RANBP9: variants seen among roughly 807,000 people sequenced by gnomAD.
The protein encoded by RANBP9 is RAN binding protein 9, also known as ran-binding protein 9.
RANBP9 carries 15 observed loss-of-function variants against 84.3 expected under a neutral mutation model. The ratio of observed to expected loss-of-function variants is 0.18; its 90% confidence interval spans 0.12 to 0.27. RANBP9 has a LOEUF of 0.27. RANBP9 is among the 10% of genes least tolerant of loss of function. The pLI is 1.00. For synonymous variants in RANBP9, 392 were observed against 349.6 expected (o/e 1.12, Z -1.35); for missense variants, 809 against 912.8 (o/e 0.89, Z 1.46).
chr6:13,648,424 C>A (rs1343795255), intron 5 of RANBP9, among the ~76,000 whole-genome samples: 1 of 152,108 alleles, frequency 6.6e-6, no homozygotes, highest in Non-Finnish European at 1.5e-5. Flanking sequence ...AGGCGTGAGC[C>A]ACCGCACCCA....
At chr6:13,672,521 C>T (rs574051822) in intron 2 of RANBP9, among the ~76,000 whole-genome samples, 1 of 151,948 alleles carries the variant, frequency 6.6e-6, no homozygotes, top group East Asian at 1.9e-4. Flanking sequence ...ATATAAATAC[C>T]TAGTGAACAT....
intron 2 of RANBP9, among the ~76,000 whole-genome samples, chr6:13,685,594 TAAA>T (rs1766153706): frequency 6.6e-6 from 1 of 150,496 alleles, no homozygotes; most frequent in African/African-American, 2.4e-5. Flanking sequence ...CCAAAAATAC[TAAA>T]TAAATCAATG....
intron 13 of RANBP9, 56 bp from the exon 14 acceptor site, chr6:13,622,548 C>T (rs1235977736): frequency 3.0e-5 from 45 of 1,482,270 alleles, no homozygotes; most frequent in Non-Finnish European, 4.0e-5. Context: ...TTTTAAAAAA[C>T]ATTTCAATCA....
intron 2 of RANBP9, among the ~76,000 whole-genome samples, chr6:13,660,142 G>T (rs1463595968): frequency 2.0e-5 from 3 of 152,114 alleles, no homozygotes; most frequent in Admixed American, 6.5e-5. Context: ...CTCAAGGAAG[G>T]CTCAAAATTA....
intron 2 of RANBP9, among the ~76,000 whole-genome samples, chr6:13,681,149 C>T (rs1457163341): frequency 6.6e-6 from 1 of 152,094 alleles, no homozygotes; most frequent in Admixed American, 6.5e-5. Flanking sequence ...ATGCATCATG[C>T]TAAGTGATTA....
chr6:13,692,453 G>A (rs907215578), intron 2 of RANBP9, among the ~76,000 whole-genome samples: 3 of 147,566 alleles, frequency 2.0e-5, no homozygotes, highest in Non-Finnish European at 4.5e-5. Context: ...CTTGAACCTG[G>A]GAGGCAGAGG....
intron 4 of RANBP9, among the ~76,000 whole-genome samples, chr6:13,653,314 T>C (rs1170008619): frequency 4.6e-5 from 7 of 152,190 alleles, no homozygotes; most frequent in Admixed American, 4.6e-4. Flanking sequence ...AGTCATGTTC[T>C]AGATACAACT....
chr6:13,648,586 G>C (rs1478159042), intron 5 of RANBP9, among the ~76,000 whole-genome samples: 1 of 152,130 alleles, frequency 6.6e-6, no homozygotes, highest in African/African-American at 2.4e-5. Flanking sequence ...TTTATGAAAA[G>C]AATAGGAAAA....
At chr6:13,680,014 A>T (rs528339746) in intron 2 of RANBP9, among the ~76,000 whole-genome samples, 1 of 152,308 alleles carries the variant, frequency 6.6e-6, no homozygotes, top group South Asian at 2.1e-4. Flanking sequence ...TGGAACACAA[A>T]GTAAAAGACC....
chr6:13,696,176 A>T (rs1422253018), intron 2 of RANBP9, among the ~76,000 whole-genome samples: 1 of 152,094 alleles, frequency 6.6e-6, no homozygotes, highest in African/African-American at 2.4e-5. Flanking sequence ...CTTTTGGGGT[A>T]AGGCCCAAAA....
intron 3 of RANBP9, 52 bp downstream of exon 3, chr6:13,658,728 C>G (rs1765466630): frequency 7.2e-7 from 1 of 1,380,278 alleles, no homozygotes; most frequent in South Asian, 1.2e-5. Context: ...AAAAATTTAA[C>G]CAGAAAGAGC....
rs192334218 is a variant in RANBP9, at chr6:13,622,321, C to G, written c.*41G>C. The G allele has an allele frequency of 1.4e-6, 2 of 1,459,052 alleles. No individual in the cohort carries two copies. The highest frequency in any genetic ancestry group is 1.8e-6 in the Non-Finnish European group (2 of 1,098,124). The allele number at this position is 1,459,052 out of a possible 1,614,324, so 90.4% of individuals were successfully genotyped here. A position where few individuals can be genotyped will look rare whatever the true frequency, so the allele number is the denominator to read the frequency against. On this transcript the variant is annotated 3_prime_UTR_variant, in exon 14 of 14. Transcript: ENST00000011619. ...CAGAGCTGGTCTACTTCCATGTTGA[C>G]TATATGCCACAATATAAGTGTGAGC... is the stretch of plus-strand genomic sequence containing the variant.
chr6:13,629,520 G>C (rs1764716385), intron 12 of RANBP9, among the ~76,000 whole-genome samples: 1 of 152,114 alleles, frequency 6.6e-6, no homozygotes, highest in Non-Finnish European at 1.5e-5. Context: ...ATTTAGGTAG[G>C]ATTTTCAAAT....
chr6:13,657,062 T>C (rs1394593865), intron 4 of RANBP9, 47 bp downstream of exon 4: 3 of 1,481,870 alleles, frequency 2.0e-6, no homozygotes, highest in African/African-American at 1.4e-5. Flanking sequence ...GGAAGTATAA[T>C]AATCTCCATA....
chr6:13,638,101 G>T, intron 9 of RANBP9, 146 bp from the exon 10 acceptor site: 1 of 639,422 alleles, frequency 1.6e-6, no homozygotes, highest in Non-Finnish European at 2.5e-6. Context: ...TTCTTTGAAA[G>T]GATACTAAGA....
At chr6:13,680,456 G>A (rs561600109) in intron 2 of RANBP9, among the ~76,000 whole-genome samples, 1 of 152,164 alleles carries the variant, frequency 6.6e-6, no homozygotes, top group South Asian at 2.1e-4. Context: ...AAAAAAACAT[G>A]GCTGGGTACA....
intron 10 of RANBP9, 34 bp from the exon 11 acceptor site, chr6:13,634,586 TATC>T (rs770103060): frequency 1.2e-4 from 182 of 1,570,272 alleles, no homozygotes; most frequent in Middle Eastern, 5.1e-4. Flanking sequence ...ATTTTAGAAA[TATC>T]ATACTTGCAG....
At chr6:13,701,784 C>CA (rs919404798) in intron 1 of RANBP9, among the ~76,000 whole-genome samples, 32 of 151,242 alleles carry the variant, frequency 2.1e-4, no homozygotes, top group Admixed American at 7.2e-4. Context: ...AAAAAAAAAC[C>CA]AAAAAAACAA....
intron 2 of RANBP9, among the ~76,000 whole-genome samples, chr6:13,661,053 G>A (rs2127771813): frequency 6.6e-6 from 1 of 152,332 alleles, no homozygotes; most frequent in South Asian, 2.1e-4. Context: ...CATAAGAGGA[G>A]TATTAGCTAT....
Sources: allele counts gnomAD v4.1 joint callset (sites outside exome capture counted in the v4.1 genomes callset), GRCh38; gene constraint gnomAD v4.1.1; transcripts MANE v1.5; gene names NCBI Gene and HGNC (gene_info 2026-07-23, HGNC 2026-07-21).